ERC1: variants seen among roughly 807,000 people sequenced by gnomAD.
The protein encoded by ERC1 is RAB6 interacting protein 2.
A neutral mutation model predicts 132.0 loss-of-function variants in ERC1; 56 were observed. The ratio of observed to expected loss-of-function variants is 0.42; its 90% confidence interval spans 0.34 to 0.53. ERC1 has a LOEUF of 0.53. Ranked by LOEUF, ERC1 falls within the 20% of genes least tolerant of loss-of-function variation. The pLI is 0.03. For missense variants in ERC1, 1,202 were observed against 1,349.9 expected, an observed-to-expected ratio of 0.89 and a Z score of 1.72; for synonymous variants, 478 against 476.1, an observed-to-expected ratio of 1.00 and a Z score of -0.05.
In ERC1 at chr12:1,488,140, G is replaced by GA. The variant is rs34258622; in HGVS notation, c.3214-1931dup. ...GTGACAGAGCGAGACTCACGTCTCA[G>GA]AAAAAAAAAAAAAAAAAAAAAAGAT... On this transcript the variant is annotated intron_variant, in intron 18 of 18. Transcript: ENST00000360905. Among the ~76,000 whole-genome samples the GA allele has an allele frequency of 9.2e-3, 625 of 68,038 alleles. 5 individuals carry two copies. Among genetic ancestry groups the GA allele is most frequent in the East Asian group, 0.02 (38 of 1,904 alleles). 44.6% of individuals were successfully genotyped at this position (68,038 alleles called of 152,430 possible).
intron 1 of ERC1, among the ~76,000 whole-genome samples, chr12:1,023,629 C>T (rs974432519): frequency 5.3e-5 from 8 of 152,086 alleles, no homozygotes; most frequent in African/African-American, 1.9e-4. Flanking sequence ...TTATTTTAAG[C>T]TGGTGGAGGC....
At chr12:1,136,538 T>C (rs1179016064) in intron 7 of ERC1, among the ~76,000 whole-genome samples, 2 of 152,244 alleles carry the variant, frequency 1.3e-5, no homozygotes. Flanking sequence ...GTTATCTTTG[T>C]GTCTCCAGTA....
intron 18 of ERC1, among the ~76,000 whole-genome samples, chr12:1,461,631 C>T (rs1372715267): frequency 6.6e-6 from 1 of 152,118 alleles, no homozygotes; most frequent in Non-Finnish European, 1.5e-5. Flanking sequence ...TGCACCATTG[C>T]ACTCCAGCCT....
chr12:1,399,811 C>T (rs1848750936), intron 16 of ERC1, among the ~76,000 whole-genome samples: 1 of 152,110 alleles, frequency 6.6e-6, no homozygotes, highest in Non-Finnish European at 1.5e-5. Context: ...TGGGTTGTTC[C>T]TCTTTTTTGA....
rs758816706 is a variant in ERC1 at position 1,083,229 on chromosome 12, G to A, written c.735G>A (p.Leu245=). Reference sequence around the variant, plus strand: ...GGATCCAGAGGGACCTGAATCAGCTGTTTCAGCAGGATAGTAGCAGCAGGA... The same window carrying A: ...GGATCCAGAGGGACCTGAATCAGCTATTTCAGCAGGATAGTAGCAGCAGGA... ...ELRIQRDLNQ[L]FQQDSSSRTG... is the part of the protein sequence containing the mutation. Residue 245 remains leucine, a synonymous_variant, in exon 3 of 19, where the codon CTG becomes CTA. Transcript: ENST00000360905. 6.2e-7 allele frequency: 1 copy of A among 1,614,172 alleles called. No homozygotes were observed. Among genetic ancestry groups the A allele is most frequent in the South Asian group, 1.1e-5 (1 of 91,082 alleles).
chr12:1,359,093 G>A (rs2085820827), intron 15 of ERC1, among the ~76,000 whole-genome samples: 1 of 152,096 alleles, frequency 6.6e-6, no homozygotes, highest in South Asian at 2.1e-4. Flanking sequence ...TACTATATTG[G>A]AGCCCTCAAA....
chr12:1,261,177 AG>A (rs1385380926), intron 13 of ERC1, among the ~76,000 whole-genome samples: 1 of 152,228 alleles, frequency 6.6e-6, no homozygotes, highest in African/African-American at 2.4e-5. Flanking sequence ...TGCTTGAAAT[AG>A]ATTCCTGGGA....
At chr12:1,337,167 T>C (rs377458788) in intron 15 of ERC1, among the ~76,000 whole-genome samples, 22 of 152,246 alleles carry the variant, frequency 1.4e-4, no homozygotes, top group African/African-American at 5.1e-4. Context: ...CCCACTGTTA[T>C]TGTGTGGGAG....
At chr12:1,253,083 T>C (rs1452375100) in intron 13 of ERC1, among the ~76,000 whole-genome samples, 1 of 152,196 alleles carries the variant, frequency 6.6e-6, no homozygotes, top group Non-Finnish European at 1.5e-5. Flanking sequence ...GCTCTTATTA[T>C]TAATTCAAAT....
intron 12 of ERC1, among the ~76,000 whole-genome samples, chr12:1,215,674 T>C (rs559012905): frequency 2.4e-4 from 36 of 152,248 alleles, no homozygotes; most frequent in African/African-American, 8.7e-4. Context: ...GATACTGCCA[T>C]TTAAGCTTCT....
chr12:1,180,907 G>A (rs1484318490), intron 9 of ERC1, among the ~76,000 whole-genome samples: 2 of 151,852 alleles, frequency 1.3e-5, no homozygotes, highest in African/African-American at 4.9e-5. Context: ...CACCTCCCAG[G>A]TTCAAGCGAT....
chr12:1,353,280 T>G (rs1015818579), intron 15 of ERC1, among the ~76,000 whole-genome samples: 2 of 152,196 alleles, frequency 1.3e-5, no homozygotes, highest in Admixed American at 6.5e-5. Flanking sequence ...TCCGCCTGCC[T>G]CGGCCTCCCA....
chr12:1,299,488 G>C (rs1241783727), intron 15 of ERC1, among the ~76,000 whole-genome samples: 1 of 152,186 alleles, frequency 6.6e-6, no homozygotes, highest in African/African-American at 2.4e-5. Context: ...GTGTTTCACA[G>C]TTGAAAAAGT....
intron 1 of ERC1, among the ~76,000 whole-genome samples, chr12:993,679 G>A (rs1960151460): frequency 2.6e-5 from 4 of 152,152 alleles, no homozygotes; most frequent in South Asian, 2.1e-4. Flanking sequence ...CGAGGCAGGC[G>A]GATCATGAGG....
chr12:1,477,551 C>G lies in ERC1; in HGVS notation c.3214-12542C>G, dbSNP rs556621603. ...GTTGGGGGCCTCTAGGGCAGACAGCCTAGCAGGTGTTTTCAGGGTCAGATT... is the reference window on the plus strand; with the variant it reads ...GTTGGGGGCCTCTAGGGCAGACAGCGTAGCAGGTGTTTTCAGGGTCAGATT... On this transcript the variant is annotated intron_variant, in intron 18 of 18. Transcript: ENST00000360905. Among the ~76,000 whole-genome samples the G allele has an allele frequency of 6.6e-5, 10 of 152,222 alleles. No homozygotes were observed. The East Asian group carries it at 1.9e-3, about 29-fold the overall frequency.
intron 14 of ERC1, among the ~76,000 whole-genome samples, chr12:1,277,974 T>TA (rs1191368749): frequency 2.6e-5 from 4 of 152,216 alleles, no homozygotes; most frequent in African/African-American, 7.2e-5. Context: ...GGTTTCACTG[T>TA]AGACTCTCGC....
chr12:1,398,394 T>C (rs1566768900), intron 16 of ERC1, among the ~76,000 whole-genome samples: 1 of 152,216 alleles, frequency 6.6e-6, no homozygotes, highest in Non-Finnish European at 1.5e-5. Flanking sequence ...AATTATGTTA[T>C]TGTTAGGAAC....
intron 7 of ERC1, among the ~76,000 whole-genome samples, chr12:1,137,437 T>C (rs1032649088): frequency 6.6e-6 from 1 of 151,970 alleles, no homozygotes; most frequent in African/African-American, 2.4e-5. Context: ...TAATATGAGG[T>C]AAACTATTTA....
intron 2 of ERC1, among the ~76,000 whole-genome samples, chr12:1,066,141 CTT>C (rs1939137087): frequency 6.6e-6 from 1 of 152,150 alleles, no homozygotes; most frequent in African/African-American, 2.4e-5. Flanking sequence ...GAATTGTTCA[CTT>C]TAAAATGGTT....
Sources: allele counts gnomAD v4.1 joint callset (sites outside exome capture counted in the v4.1 genomes callset), GRCh38; gene constraint gnomAD v4.1.1; transcripts MANE v1.5; gene names NCBI Gene and HGNC (gene_info 2026-07-23, HGNC 2026-07-21).